The following MAGOH variants were observed in gnomAD, a reference collection of about 807,000 sequenced individuals.
MAGOH encodes protein mago nashi homolog.
In MAGOH, 3 loss-of-function variants were observed where a neutral mutation model predicts 20.9. That is an observed-to-expected ratio of 0.14 (90% CI 0.07 to 0.37). The LOEUF (loss-of-function observed/expected upper bound fraction) is 0.37. Among genes scored for constraint, MAGOH ranks in the 10% least tolerant of loss-of-function variants. The pLI, the probability that MAGOH is intolerant of heterozygous loss-of-function variation, is 1.00. For synonymous variants in MAGOH, 51 were observed against 61.0 expected (o/e 0.84, Z 0.76); for missense variants, 66 against 178.1 (o/e 0.37, Z 3.58).
In MAGOH at chr1:53,228,940, G is replaced by A. The variant is rs960663370; in HGVS notation, c.273C>T (p.Val91=). 1.2e-6 allele frequency: 2 copies of A among 1,611,946 alleles called. No individual in the cohort carries two copies. The highest frequency in any genetic ancestry group is 2.2e-5 in the East Asian group (1 of 44,862). The part of the protein sequence containing the change: ...DRVGRQELEI[V]IGDEHISFTT... ...TAAAAGAAATGTGTTCATCTCCAAT[G>A]ACGATTTCAAGCTCCTAGAAACATT... Residue 91 remains valine (V), a synonymous_variant, in exon 4 of 5, where the codon GTC becomes GTT. Transcript: ENST00000371470.
chr1:53,228,157 C>T (rs185497017), intron 4 of MAGOH, among the ~76,000 whole-genome samples: 10 of 152,140 alleles, frequency 6.6e-5, no homozygotes, highest in Admixed American at 4.6e-4. Context: ...TAAGGCTGGG[C>T]GCGGTGGCTC....
intron 4 of MAGOH, among the ~76,000 whole-genome samples, chr1:53,227,945 A>G (rs1302537825): frequency 6.6e-6 from 1 of 152,162 alleles, no homozygotes; most frequent in African/African-American, 2.4e-5. Flanking sequence ...GAAGACAATT[A>G]CGCCCAACAT....
Position 53,233,641 on chromosome 1 carries a change from A to G in MAGOH, c.159T>C (p.His53=). ...DVMIRKEAYV[H]KSVMEELKRI... ...TCTTCAGTTCCTCCATCACGCTTTT[A>G]TGTACATAAGCCTGAACGCAAGTTA... The change falls in exon 3 of 5, where the codon CAT becomes CAC. Residue 53 remains histidine (H), a synonymous_variant. Coordinates refer to ENST00000371470, the MANE Select transcript of MAGOH (RefSeq NM_002370.4). The G allele has an allele frequency of 6.2e-7, 1 of 1,611,440 alleles. No homozygotes were observed. The highest frequency in any genetic ancestry group is 8.5e-7 in the Non-Finnish European group (1 of 1,177,586).
chr1:53,237,568 G>A (rs1645618470), intron 1 of MAGOH, among the ~76,000 whole-genome samples: 1 of 150,312 alleles, frequency 6.7e-6, no homozygotes, highest in Non-Finnish European at 1.5e-5. Flanking sequence ...CAGCTACTCG[G>A]GAGGCTGAGG....
At chr1:53,235,908 C>T (rs982894086) in intron 1 of MAGOH, among the ~76,000 whole-genome samples, 3 of 152,172 alleles carry the variant, frequency 2.0e-5, no homozygotes, top group Non-Finnish European at 4.4e-5. Flanking sequence ...CTGACTTTGT[C>T]AAATCACATT....
At chr1:53,234,373 CTTTT>C (rs71579963) in intron 2 of MAGOH, among the ~76,000 whole-genome samples, 44 of 132,666 alleles carry the variant, frequency 3.3e-4, no homozygotes, top group African/African-American at 1.1e-3. Flanking sequence ...CCTGGTTATT[CTTTT>C]TTTTTTTTTT....
intron 2 of MAGOH, among the ~76,000 whole-genome samples, chr1:53,234,161 A>T (rs1645599994): frequency 6.6e-6 from 1 of 152,188 alleles, no homozygotes; most frequent in South Asian, 2.1e-4. Context: ...AGGACACAGC[A>T]TTCATTCCTT....
chr1:53,235,559 A>G lies in MAGOH; in HGVS notation c.147+18T>C, dbSNP rs764716284. 4.3e-6 allele frequency: 7 copies of G among 1,609,664 alleles called. No homozygotes were observed. The South Asian group carries it at 6.6e-5, about 15-fold the overall frequency. ...AATGTAGCAAATGAAGGACTCTCAG[A>G]AGGCAGAAGGCTCATACCTCTTTTC... On this transcript the variant is annotated intron_variant, in intron 2 of 4. Transcript: ENST00000371470.
chr1:53,228,631 A>C (rs948816788), intron 4 of MAGOH, among the ~76,000 whole-genome samples: 6 of 152,118 alleles, frequency 3.9e-5, no homozygotes, highest in Admixed American at 2.0e-4. Flanking sequence ...CCTATGCATT[A>C]ATCTATATGT....
At position 53,238,509 on chromosome 1, in the gene MAGOH, G is replaced by T. The variant is rs1039903818; in HGVS notation, c.-61C>A. The T allele has an allele frequency of 7.0e-5, 102 of 1,461,738 alleles. No homozygotes were observed. The highest frequency in any genetic ancestry group is 4.4e-4 in the South Asian group (39 of 87,994). 90.5% of individuals were successfully genotyped at this position (1,461,738 alleles called of 1,614,324 possible). A position where few individuals can be genotyped will look rare whatever the true frequency, so the allele number is the denominator to read the frequency against. On this transcript the variant is annotated 5_prime_UTR_variant, in exon 1 of 5. Transcript: ENST00000371470. ...AGCAAGCCGCACTGCCGCCGTCTGC[G>T]CCCGACACTGACGTTTGCGGCGGCG...
chr1:53,227,505 G>T (rs1027230475), intron 4 of MAGOH, among the ~76,000 whole-genome samples: 1 of 152,088 alleles, frequency 6.6e-6, no homozygotes, highest in Non-Finnish European at 1.5e-5. Context: ...CAATGAGCAT[G>T]TATTACTTTC....
At chr1:53,231,676 A>G (rs797019186) in intron 3 of MAGOH, among the ~76,000 whole-genome samples, 18 of 152,230 alleles carry the variant, frequency 1.2e-4, no homozygotes, top group African/African-American at 3.6e-4. Context: ...TTAGCTGTCA[A>G]TTCCCGAGGC....
Position 53,227,036 on chromosome 1 carries a change from A to AAAAAAAC in MAGOH, c.*8_*9insGTTTTTT. 7.1e-7 allele frequency: 1 copy of AAAAAAAC among 1,404,548 alleles called. No homozygotes were observed. Among genetic ancestry groups the AAAAAAAC allele is most frequent in the Non-Finnish European group, 9.8e-7 (1 of 1,017,640 alleles). 87.0% of individuals were successfully genotyped at this position (1,404,548 alleles called of 1,614,324 possible). On this transcript the variant is annotated 3_prime_UTR_variant, in exon 5 of 5. Transcript: ENST00000371470. Reference sequence around the variant, plus strand: ...CCACCCACCCCCCATGTCCACACCAATATTCAGTCTAGATTGGTTTAATCT... The same window carrying AAAAAAAC: ...CCACCCACCCCCCATGTCCACACCAAAAAAAACTATTCAGTCTAGATTGGTTTAATCT...
chr1:53,233,489 G>A, intron 3 of MAGOH, 53 bp downstream of exon 3: 2 of 1,240,098 alleles, frequency 1.6e-6, no homozygotes, highest in Non-Finnish European at 2.4e-6. Flanking sequence ...GAGGGAGTGT[G>A]GGGGGTCTTA....
chr1:53,233,778 ACATT>A, intron 2 of MAGOH, 126 bp from the exon 3 acceptor site: 1 of 679,998 alleles, frequency 1.5e-6, no homozygotes, highest in Non-Finnish European at 2.6e-6. Context: ...AAGTGGGAAG[ACATT>A]CATGCTCAAC....
At chr1:53,227,314 CAATT>C (rs1167638230) in intron 4 of MAGOH, among the ~76,000 whole-genome samples, 170 bp from the exon 5 acceptor site, 1 of 152,014 alleles carries the variant, frequency 6.6e-6, no homozygotes, top group Non-Finnish European at 1.5e-5. Context: ...ATTAAAATAA[CAATT>C]ATTAATCTCA....
chr1:53,232,759 G>A (rs933654318), intron 3 of MAGOH, among the ~76,000 whole-genome samples: 7 of 152,192 alleles, frequency 4.6e-5, no homozygotes, highest in Admixed American at 3.9e-4. Context: ...ACAGTGGGAA[G>A]CCATTGGAGT....
chr1:53,233,690 C>T (rs1446234109), intron 2 of MAGOH, 38 bp from the exon 3 acceptor site: 1 of 1,303,526 alleles, frequency 7.7e-7, no homozygotes, highest in African/African-American at 1.5e-5. Flanking sequence ...ATGTTGTATC[C>T]TTAAGCAGTG....
At chr1:53,228,988 A>C in intron 3 of MAGOH, 34 bp from the exon 4 acceptor site, 1 of 1,398,380 alleles carries the variant, frequency 7.2e-7, no homozygotes. Flanking sequence ...AGTCAAGTAG[A>C]ATTGGATTAT....
Sources: gnomAD v4.1 joint callset for allele counts (sites outside exome capture counted in the v4.1 genomes callset) on GRCh38, gnomAD v4.1.1 for gene constraint, MANE v1.5 for transcripts, NCBI Gene and HGNC (gene_info 2026-07-23, HGNC 2026-07-21) for gene names.